ADAM17: variants seen among roughly 807,000 people sequenced by gnomAD.
The protein encoded by ADAM17 is disintegrin and metalloproteinase domain-containing protein 17.
Under a neutral mutation model 96.7 loss-of-function variants are expected in ADAM17, and 39 were observed. That is an observed-to-expected ratio of 0.40 (90% CI 0.31 to 0.53). The LOEUF (loss-of-function observed/expected upper bound fraction) is 0.53. Ranked by LOEUF, ADAM17 falls within the 20% of genes least tolerant of loss-of-function variation. ADAM17 has a pLI of 0.44. For missense variants in ADAM17, 777 were observed against 1,013.2 expected (o/e 0.77, Z 3.17); for synonymous variants, 344 against 359.2 (o/e 0.96, Z 0.48).
rs199651827 is a variant in ADAM17 at position 9,523,300 on chromosome 2, G to A, written c.792C>T (p.Asn264=). 1 of 1,613,026 alleles carries A rather than the reference G, an allele frequency of 6.2e-7. No homozygotes were observed. Among genetic ancestry groups the A allele is most frequent in the Admixed American group, 1.7e-5 (1 of 59,978 alleles). The change falls in exon 7 of 19, where the codon AAC becomes AAT. Residue 264 remains asparagine, a synonymous_variant. Transcript: ENST00000310823. ...TAAAACCTGCATTATCCCATGAAGT[G>A]TTCCGATAGATGTCATCAACTCTGT... ...LIDRVDDIYR[N]TSWDNAGFKG... is the part of the protein sequence containing the mutation.
intron 6 of ADAM17, among the ~76,000 whole-genome samples, chr2:9,525,017 GAAGTA>G (rs1664459947): frequency 6.8e-6 from 1 of 147,450 alleles, no homozygotes; most frequent in African/African-American, 2.7e-5. Flanking sequence ...AATGAACAAA[GAAGTA>G]AAATAAGAGG....
chr2:9,542,624 T>G (rs1275678141), intron 2 of ADAM17, among the ~76,000 whole-genome samples: 1 of 149,744 alleles, frequency 6.7e-6, no homozygotes, highest in Non-Finnish European at 1.5e-5. Flanking sequence ...TTTCTAAACA[T>G]CGTTACCATC....
intron 10 of ADAM17, 102 bp downstream of exon 10, chr2:9,517,799 A>T: frequency 1.5e-6 from 1 of 671,022 alleles, no homozygotes; most frequent in Non-Finnish European, 2.2e-6. Context: ...TTTAAAAAAC[A>T]GTATATATTA....
In ADAM17 at chr2:9,507,671, G is replaced by GA. The variant is rs1028276093; in HGVS notation, c.1344+2307dup. Among the ~76,000 whole-genome samples, 3 of 150,892 alleles carry GA rather than the reference G, an allele frequency of 2.0e-5. 1 individual carries two copies. Among genetic ancestry groups the GA allele is most frequent in the African/African-American group, 7.3e-5 (3 of 41,128 alleles). On this transcript the variant is annotated intron_variant, in intron 11 of 18. Coordinates refer to ENST00000310823, the MANE Select transcript of ADAM17 (RefSeq NM_003183.6). ...TCATTGATACAGACTGGCAGCTCCA[G>GA]AAAAAAAAAGTTCTTCCCAGGCCCC...
At chr2:9,553,749 G>T (rs1354048704) in intron 1 of ADAM17, among the ~76,000 whole-genome samples, 1 of 151,774 alleles carries the variant, frequency 6.6e-6, no homozygotes, top group African/African-American at 2.4e-5. Context: ...GGCACAGGTG[G>T]TCTGCATTTT....
chr2:9,493,572 A>C (rs1468406476), intron 16 of ADAM17, among the ~76,000 whole-genome samples, 175 bp downstream of exon 16: 1 of 152,244 alleles, frequency 6.6e-6, no homozygotes, highest in Non-Finnish European at 1.5e-5. Context: ...CCACGGGGAC[A>C]GACTATCTAT....
intron 1 of ADAM17, among the ~76,000 whole-genome samples, chr2:9,554,988 C>T (rs1264328856): frequency 6.6e-6 from 1 of 152,170 alleles, no homozygotes; most frequent in Admixed American, 6.5e-5. Flanking sequence ...AAAAACACAA[C>T]TCTTAAGACT....
At chr2:9,500,955 C>T (rs776551478) in intron 13 of ADAM17, among the ~76,000 whole-genome samples, 4 of 152,122 alleles carry the variant, frequency 2.6e-5, no homozygotes, top group Admixed American at 1.3e-4. Flanking sequence ...TTTAACCATC[C>T]GCCATGGCTT....
intron 10 of ADAM17, among the ~76,000 whole-genome samples, chr2:9,517,200 T>C (rs1664099228): frequency 6.6e-6 from 1 of 152,200 alleles, no homozygotes; most frequent in Admixed American, 6.5e-5. Flanking sequence ...AAACCCCTTA[T>C]TTAAACCACT....
intron 10 of ADAM17, among the ~76,000 whole-genome samples, chr2:9,513,231 G>T: frequency 6.6e-6 from 1 of 152,086 alleles, no homozygotes; most frequent in East Asian, 1.9e-4. Flanking sequence ...CTGACCTCAG[G>T]TATCTACCCA....
intron 13 of ADAM17, among the ~76,000 whole-genome samples, chr2:9,501,913 C>T (rs1278143167): frequency 6.6e-6 from 1 of 151,894 alleles, no homozygotes; most frequent in East Asian, 1.9e-4. Context: ...AGGATATACA[C>T]ATATCCAGGC....
intron 12 of ADAM17, among the ~76,000 whole-genome samples, chr2:9,503,171 A>T (rs1266336556): frequency 6.6e-6 from 1 of 151,620 alleles, no homozygotes; most frequent in African/African-American, 2.4e-5. Flanking sequence ...AAAAAAAAAA[A>T]GACAAGGTGG....
rs55649546 is a variant in ADAM17, at chr2:9,504,763, G to GAA, written c.1544+401_1544+402dup. Among the ~76,000 whole-genome samples the GAA allele has an allele frequency of 1.0e-4, 12 of 117,790 alleles. No homozygotes were observed. In the South Asian group the frequency reaches 1.4e-3, roughly 14 times the overall value. 77.3% of individuals were successfully genotyped at this position (117,790 alleles called of 152,430 possible). ...GCGACAGAGCAAGACTCTGTCTCAG[G>GAA]AAAAAAAAAAAAAAAAAAGATTCTT... On this transcript the variant is annotated intron_variant, in intron 12 of 18. Coordinates refer to ENST00000310823, the MANE Select transcript of ADAM17 (RefSeq NM_003183.6).
intron 1 of ADAM17, among the ~76,000 whole-genome samples, chr2:9,551,446 ATTCATTTATGT>A (rs1665587904): frequency 6.6e-6 from 1 of 152,156 alleles, no homozygotes. Context: ...TAAATATAAA[ATTCATTTATGT>A]TTCATTTATT....
intron 2 of ADAM17, among the ~76,000 whole-genome samples, chr2:9,542,695 T>G (rs1289271729): frequency 2.6e-5 from 4 of 152,156 alleles, no homozygotes; most frequent in Non-Finnish European, 4.4e-5. Context: ...TGAACTTTAT[T>G]TATTTTATTT....
intron 6 of ADAM17, among the ~76,000 whole-genome samples, chr2:9,524,623 C>T (rs114987232): frequency 1.2e-3 from 188 of 152,258 alleles, no homozygotes; most frequent in African/African-American, 4.4e-3. Context: ...GTGAGTACCT[C>T]GAATGTCTTC....
Position 9,543,182 on chromosome 2 carries a change from T to C in ADAM17, c.201A>G (p.Glu67=). Residue 67 remains glutamate (E), a synonymous_variant, in exon 2 of 19, where the codon GAA becomes GAG. Transcript: ENST00000310823. ...KRDLQTSTHV[E]TLLTFSALKR... The stretch of plus-strand genomic sequence containing the variant: ...TCAAAGCTGAAAAAGTTAGTAGTGT[T>C]TCTACATGTGTTGAAGTCTGTAGAT... 1 of 1,603,710 alleles carries C rather than the reference T, an allele frequency of 6.2e-7. No homozygotes were observed.
chr2:9,519,291 G>A (rs1012434210), intron 8 of ADAM17, among the ~76,000 whole-genome samples: 2 of 152,166 alleles, frequency 1.3e-5, no homozygotes, highest in Admixed American at 6.5e-5. Context: ...TGATAGTTCC[G>A]TGGTAAAAGG....
chr2:9,537,893 AGG>A (rs1665032662), intron 2 of ADAM17, among the ~76,000 whole-genome samples: 1 of 60,398 alleles, frequency 1.7e-5, no homozygotes, highest in African/African-American at 6.3e-5. Flanking sequence ...AGGGGAGGGG[AGG>A]GGAGGGGAGG....
Sources: allele counts gnomAD v4.1 joint callset (sites outside exome capture counted in the v4.1 genomes callset), GRCh38; gene constraint gnomAD v4.1.1; transcripts MANE v1.5; gene names NCBI Gene and HGNC (gene_info 2026-07-23, HGNC 2026-07-21).